Variants in TNK2 observed in about 807,000 individuals in gnomAD.
The protein encoded by TNK2 is tyrosine kinase non receptor 2.
Under a neutral mutation model 101.8 loss-of-function variants are expected in TNK2, and 83 were observed. That is an observed-to-expected ratio of 0.82 (90% confidence interval 0.68 to 0.98). The LOEUF is 0.98. TNK2 is among the 50% of genes least tolerant of loss of function. The probability of loss-of-function intolerance (pLI) is 0.00; values close to 1 mark genes in which losing one functional copy is unlikely to be tolerated. For synonymous variants in TNK2, 804 were observed against 633.0 expected, an observed-to-expected ratio of 1.27 and a Z score of -4.06; for missense variants, 1,665 against 1,483.2, an observed-to-expected ratio of 1.12 and a Z score of -2.01.
At chr3:195,902,040 G>C (rs1036168258) in intron 1 of TNK2, among the ~76,000 whole-genome samples, 2 of 152,138 alleles carry the variant, frequency 1.3e-5, no homozygotes, top group African/African-American at 2.4e-5. Context: ...AACCTCACCA[G>C]AACAACAATT....
intron 9 of TNK2, among the ~76,000 whole-genome samples, chr3:195,873,267 G>A (rs998317718): frequency 6.6e-6 from 1 of 151,544 alleles, no homozygotes; most frequent in Admixed American, 6.6e-5. Flanking sequence ...CCGGGGCCTG[G>A]GCAGGGGCAG....
intron 10 of TNK2, 148 bp from the exon 11 acceptor site, chr3:195,870,353 A>G (rs1485870343): frequency 1.3e-6 from 2 of 1,507,510 alleles, no homozygotes; most frequent in Non-Finnish European, 1.8e-6. Context: ...ACAGAACCTG[A>G]CCGCACGTCT....
In TNK2 at chr3:195,888,498, T is replaced by C. The variant is rs1757074921; in HGVS notation, c.91A>G (p.Asn31Asp). Residue 31 changes from asparagine (N) to aspartate (D), a missense_variant, in exon 2 of 16, where the codon AAC (asparagine) becomes GAC (aspartate). This residue lies in a region of TNK2 where 490 missense variants were observed against 522.5 expected (regional missense o/e 0.94). Transcript: ENST00000672887. This position sits in a 1 kb window ranked among gnomAD's most constrained non-coding sequence, Gnocchi z 5.3. Reference protein sequence around the residue: ...QYFLRLRDDLNVTRLSHFEYV... With the variant: ...QYFLRLRDDLDVTRLSHFEYV... ...TCAAAGTGGGACAGGCGGGTGACGT[T>C]GAGGTCATCTCGGAGCCGCAGGAAG... 1 of 1,613,912 alleles carries C rather than the reference T, an allele frequency of 6.2e-7. No individual in the cohort carries two copies. Among genetic ancestry groups the C allele is most frequent in the Non-Finnish European group, 8.5e-7 (1 of 1,179,976 alleles).
chr3:195,881,591 C>G (rs1366086944), intron 6 of TNK2, among the ~76,000 whole-genome samples: 1 of 98,590 alleles, frequency 1.0e-5, no homozygotes, highest in Non-Finnish European at 2.0e-5. Flanking sequence ...TAACACCCCC[C>G]CAGCGATGCC....
chr3:195,887,960 G>GCC (rs1560528960), intron 2 of TNK2, among the ~76,000 whole-genome samples: 1 of 107,506 alleles, frequency 9.3e-6, no homozygotes, highest in African/African-American at 3.3e-5. Context: ...GCCTGCGTGT[G>GCC]TGTGTGTGTG....
At chr3:195,890,801 TTTATTC>T (rs1316012232) in intron 1 of TNK2, among the ~76,000 whole-genome samples, 1 of 152,232 alleles carries the variant, frequency 6.6e-6, no homozygotes, top group Non-Finnish European at 1.5e-5. Flanking sequence ...TGGACTTTGC[TTTATTC>T]AGAACATAGC....
At chr3:195,890,315 C>T (rs1757854686) in intron 1 of TNK2, among the ~76,000 whole-genome samples, 1 of 152,232 alleles carries the variant, frequency 6.6e-6, no homozygotes, top group South Asian at 2.1e-4. Context: ...AGAGCGTGAG[C>T]TAGCCTGCAA....
intron 1 of TNK2, among the ~76,000 whole-genome samples, chr3:195,893,523 G>A (rs1243192397): frequency 2.6e-5 from 4 of 152,072 alleles, no homozygotes; most frequent in Admixed American, 6.5e-5. Context: ...CACAGACCAC[G>A]GCCTCAGATT....
chr3:195,885,815 C>A lies in TNK2; in HGVS notation c.235-782G>T. 3 of 334,052 alleles carry A rather than the reference C, an allele frequency of 9.0e-6. No homozygotes were observed. In the Admixed American group the frequency reaches 1.2e-4, roughly 13 times the overall value. 20.7% of individuals were successfully genotyped at this position (334,052 alleles called of 1,614,324 possible). ...TCTGACTCGGCCTCCACTGAGGCACCCACAGCCTTGGCTCCAGATTGCAGA... is the reference window on the plus strand; with the variant it reads ...TCTGACTCGGCCTCCACTGAGGCACACACAGCCTTGGCTCCAGATTGCAGA... On this transcript the variant is annotated intron_variant, in intron 3 of 15. Coordinates refer to ENST00000672887, the MANE Select transcript of TNK2 (RefSeq NM_001382273.1). This position sits in a 1 kb window ranked among gnomAD's most constrained non-coding sequence, Gnocchi z 4.7.
chr3:195,884,274 T>G (rs1168229285), intron 4 of TNK2: 1 of 152,234 alleles, frequency 6.6e-6, no homozygotes, highest in Non-Finnish European at 1.5e-5. Flanking sequence ...ATTTTTTTTT[T>G]CTTGTTTTTC....
intron 6 of TNK2, chr3:195,879,465 TG>T: frequency 3.2e-6 from 1 of 313,388 alleles, no homozygotes; most frequent in East Asian, 6.8e-5. Flanking sequence ...TCAGAGGCTC[TG>T]GGATGGGGCA....
chr3:195,870,628 G>A (rs1191905483), intron 10 of TNK2, among the ~76,000 whole-genome samples: 2 of 152,386 alleles, frequency 1.3e-5, no homozygotes, highest in African/African-American at 2.4e-5. Flanking sequence ...CACATGGCCA[G>A]GAGGTGCGGG....
Position 195,868,491 on chromosome 3 carries a change from A to T in TNK2, c.1807T>A (p.Ser603Thr), listed in dbSNP as rs199694736. 2.0e-4 allele frequency: 315 copies of T among 1,545,000 alleles called. 5 individuals are homozygous for T. The African/African-American group carries it at 3.3e-3, about 16-fold the overall frequency. ...GCGTCCATGGCCAGCTGCGCCAGGG[A>T]GGGCGCGCAGGGCCGTAGGGCCGGG... Reference protein sequence around the residue: ...VVPALRPCAPSLAQLAMDACS... With the variant: ...VVPALRPCAPTLAQLAMDACS... The change falls in exon 13 of 16, where the codon TCC becomes ACC. Residue 603 changes from serine to threonine, a missense_variant. By Grantham distance (58) the Ser-to-Thr change is moderately conservative. This residue lies in a region of TNK2 where 1,136 missense variants were observed against 894.9 expected (regional missense o/e 1.27). Transcript: ENST00000672887.
intron 6 of TNK2, among the ~76,000 whole-genome samples, chr3:195,880,874 GCCC>G (rs1324609913): frequency 3.4e-5 from 1 of 29,806 alleles, no homozygotes; most frequent in Non-Finnish European, 6.3e-5. Flanking sequence ...TGTAACACCC[GCCC>G]CCCAGCAATG....
At chr3:195,877,954 G>GA (rs1750354624) in intron 9 of TNK2, among the ~76,000 whole-genome samples, 1 of 152,082 alleles carries the variant, frequency 6.6e-6, no homozygotes, top group African/African-American at 2.4e-5. Flanking sequence ...CGGGAGTCCA[G>GA]AACTCTGCTG....
In TNK2 at chr3:195,882,172, G is replaced by A. The variant is rs767408627; in HGVS notation, c.766C>T (p.Arg256Cys). ...KRFIHRDLAA[R>C]NLLLATRDLV... is the part of the protein sequence containing the mutation. The stretch of plus-strand genomic sequence containing the variant: ...TCGCGGGTAGCCAACAGCAGATTGC[G>A]GGCAGCCAGGTCACGGTGAATAAAG... Residue 256 changes from arginine (R) to cysteine (C), a missense_variant, in exon 6 of 16, where the codon CGC becomes TGC. Physicochemically the swap from Arg to Cys is radical, Grantham distance 180. Transcript: ENST00000672887. The surrounding 1 kb of genome is among the most constrained non-coding windows in gnomAD (Gnocchi z 4.2). The A allele has an allele frequency of 1.1e-5, 18 of 1,613,762 alleles. No individual in the cohort carries two copies. Among genetic ancestry groups the A allele is most frequent in the African/African-American group, 6.7e-5 (5 of 74,906 alleles).
chr3:195,869,393 A>ACCAACCCAC, intron 12 of TNK2, 104 bp downstream of exon 12: 3 of 584,658 alleles, frequency 5.1e-6, no homozygotes, highest in Non-Finnish European at 9.2e-6. Flanking sequence ...ACACCCACCC[A>ACCAACCCAC]CCTCCCCTCC....
intron 1 of TNK2, among the ~76,000 whole-genome samples, chr3:195,889,050 C>T (rs553854941): frequency 6.6e-6 from 1 of 152,268 alleles, no homozygotes; most frequent in East Asian, 1.9e-4. Flanking sequence ...CATCTATGGG[C>T]TCCTTAGATG....
At chr3:195,892,495 G>A (rs542433593) in intron 1 of TNK2, 69 of 1,535,382 alleles carry the variant, frequency 4.5e-5, no homozygotes, top group Admixed American at 3.7e-4. Flanking sequence ...GCATCTCCAC[G>A]CAGCGGGACC....
Sources: allele counts gnomAD v4.1 joint callset (sites outside exome capture counted in the v4.1 genomes callset), GRCh38; gene constraint gnomAD v4.1.1; regional missense constraint gnomAD v4.1.1; non-coding constraint Gnocchi (gnomAD v3.1); transcripts MANE v1.5; gene names NCBI Gene and HGNC (gene_info 2026-07-23, HGNC 2026-07-21).